CREB5: variants seen among roughly 807,000 people sequenced by gnomAD.
CREB5 encodes cAMP responsive element binding protein 5, also known as cyclic AMP-responsive element-binding protein 5.
A neutral mutation model predicts 57.1 loss-of-function variants in CREB5; 19 were observed. That is an observed-to-expected ratio of 0.33 (90% CI 0.23 to 0.49). The LOEUF (loss-of-function observed/expected upper bound fraction) is 0.49. CREB5 is among the 20% of genes least tolerant of loss of function. The probability of loss-of-function intolerance (pLI) is 0.99; values close to 1 mark genes in which losing one functional copy is unlikely to be tolerated. For missense variants in CREB5, 579 were observed against 671.6 expected, an observed-to-expected ratio of 0.86 and a Z score of 1.52; for synonymous variants, 238 against 238.3, an observed-to-expected ratio of 1.00 and a Z score of 0.01.
intron 5 of CREB5, among the ~76,000 whole-genome samples, chr7:28,679,109 T>C (rs899219333): frequency 6.8e-6 from 1 of 146,058 alleles, no homozygotes; most frequent in Non-Finnish European, 1.5e-5. Flanking sequence ...GCCAGCGGAG[T>C]ATATTTTCAG....
intron 7 of CREB5, among the ~76,000 whole-genome samples, chr7:28,746,187 A>C (rs946865239): frequency 1.3e-5 from 2 of 152,236 alleles, no homozygotes; most frequent in African/African-American, 4.8e-5. Flanking sequence ...ATTACGTGAA[A>C]GTTCCACCAT....
At chr7:28,441,721 AT>A (rs1789191166) in intron 1 of CREB5, among the ~76,000 whole-genome samples, 1 of 152,140 alleles carries the variant, frequency 6.6e-6, no homozygotes. Context: ...TAATCTCCAC[AT>A]TTTGGAAGAT....
chr7:28,642,919 A>G (rs1798713076), intron 5 of CREB5, among the ~76,000 whole-genome samples: 1 of 149,510 alleles, frequency 6.7e-6, no homozygotes, highest in Admixed American at 6.7e-5. Context: ...TGTTTAAGAT[A>G]TGCCACAAAC....
chr7:28,466,757 G>A (rs1790592217), intron 1 of CREB5, among the ~76,000 whole-genome samples: 1 of 152,166 alleles, frequency 6.6e-6, no homozygotes, highest in Admixed American at 6.5e-5. Flanking sequence ...CCTCTGTGGA[G>A]CCTGAGTCTC....
chr7:28,730,476 C>T (rs780903614), intron 7 of CREB5, among the ~76,000 whole-genome samples: 3 of 152,070 alleles, frequency 2.0e-5, no homozygotes, highest in Non-Finnish European at 2.9e-5. Flanking sequence ...TGAGCCACCA[C>T]GCTTGGCCCA....
chr7:28,488,408 G>A (rs56206127), intron 2 of CREB5, among the ~76,000 whole-genome samples, 162 bp downstream of exon 2: 3,211 of 152,204 alleles, frequency 0.021, 48 homozygotes, highest in Non-Finnish European at 0.032. Flanking sequence ...CATTTTCATC[G>A]CCATCATTAT....
At chr7:28,367,598 A>G (rs1786613986) in intron 1 of CREB5, among the ~76,000 whole-genome samples, 1 of 152,188 alleles carries the variant, frequency 6.6e-6, no homozygotes, top group Non-Finnish European at 1.5e-5. Flanking sequence ...TCACGAGGTC[A>G]GGAGTTTGAG....
chr7:28,552,990 G>C (rs10951200), intron 4 of CREB5, among the ~76,000 whole-genome samples: 2 of 151,998 alleles, frequency 1.3e-5, no homozygotes, highest in Admixed American at 1.3e-4. Context: ...GTCTCTGAGC[G>C]TGGTGGGCGC....
intron 5 of CREB5, among the ~76,000 whole-genome samples, chr7:28,658,124 TA>T (rs759320058): frequency 1.3e-5 from 2 of 152,166 alleles, no homozygotes; most frequent in African/African-American, 2.4e-5. Context: ...AATACACTCA[TA>T]AGGGCGGAGC....
chr7:28,716,319 G>T (rs906146752), intron 5 of CREB5, among the ~76,000 whole-genome samples: 2 of 152,090 alleles, frequency 1.3e-5, no homozygotes, highest in Non-Finnish European at 2.9e-5. Context: ...TTTGTCCCAT[G>T]AGCATGATAT....
At chr7:28,559,014 C>G (rs1427619062) in intron 4 of CREB5, among the ~76,000 whole-genome samples, 1 of 152,204 alleles carries the variant, frequency 6.6e-6, no homozygotes, top group African/African-American at 2.4e-5. Context: ...GCGCCCCTTT[C>G]GTGATTTTAA....
intron 4 of CREB5, among the ~76,000 whole-genome samples, chr7:28,560,967 T>TGCGC (rs1355662930): frequency 2.0e-4 from 6 of 30,406 alleles, no homozygotes; most frequent in South Asian, 1.7e-3. Context: ...TGTGCGTGTG[T>TGCGC]GTGTGCGTGT....
At chr7:28,812,979 C>A (rs937919387) in intron 9 of CREB5, among the ~76,000 whole-genome samples, 1 of 152,148 alleles carries the variant, frequency 6.6e-6, no homozygotes, top group Non-Finnish European at 1.5e-5. Flanking sequence ...AAAAACCAGA[C>A]CTAAGAAAAC....
At chr7:28,737,291 G>A (rs569648965) in intron 7 of CREB5, among the ~76,000 whole-genome samples, 1 of 151,794 alleles carries the variant, frequency 6.6e-6, no homozygotes, top group African/African-American at 2.4e-5. Flanking sequence ...ATTTTTTGCT[G>A]TTGTTGTTCT....
At chr7:28,420,118 A>T (rs42724) in intron 1 of CREB5, among the ~76,000 whole-genome samples, 22 of 151,412 alleles carry the variant, frequency 1.5e-4, no homozygotes, top group Non-Finnish European at 1.6e-4. Context: ...TTTTTTTCAT[A>T]TGCTTTGGAA....
chr7:28,747,023 T>A (rs1456617855), intron 7 of CREB5, among the ~76,000 whole-genome samples: 1 of 152,220 alleles, frequency 6.6e-6, no homozygotes, highest in African/African-American at 2.4e-5. Context: ...CAAATATGGC[T>A]TTTCATACCT....
chr7:28,739,759 T>C (rs193102389), intron 7 of CREB5, among the ~76,000 whole-genome samples: 1 of 152,268 alleles, frequency 6.6e-6, no homozygotes, highest in Admixed American at 6.5e-5. Flanking sequence ...ATGACTTGGG[T>C]CTTGATGAGC....
chr7:28,413,708 A>C (rs555256401), intron 1 of CREB5, among the ~76,000 whole-genome samples: 1 of 152,320 alleles, frequency 6.6e-6, no homozygotes, highest in East Asian at 1.9e-4. Flanking sequence ...AAAATTGGAA[A>C]CCATGCCCTT....
At chr7:28,586,822 C>A (rs569181171) in intron 5 of CREB5, among the ~76,000 whole-genome samples, 1 of 152,240 alleles carries the variant, frequency 6.6e-6, no homozygotes, top group Non-Finnish European at 1.5e-5. Flanking sequence ...GACGTCCCAG[C>A]GTGGCCTCAG....
Sources: gnomAD v4.1 joint callset for allele counts (sites outside exome capture counted in the v4.1 genomes callset) on GRCh38, gnomAD v4.1.1 for gene constraint, MANE v1.5 for transcripts, NCBI Gene and HGNC (gene_info 2026-07-23, HGNC 2026-07-21) for gene names.